EIPR1: variants seen among roughly 807,000 people sequenced by gnomAD.
The protein encoded by EIPR1 is EARP complex and GARP complex interacting protein 1.
EIPR1 carries 25 observed loss-of-function variants against 48.1 expected under a neutral mutation model. That is an observed-to-expected ratio of 0.52 (90% CI 0.38 to 0.73). The LOEUF is 0.73. Among genes scored for constraint, EIPR1 ranks in the 30% least tolerant of loss-of-function variants. EIPR1 has a pLI of 0.00. For synonymous variants in EIPR1, 204 were observed against 201.9 expected, an observed-to-expected ratio of 1.01 and a Z score of -0.09; for missense variants, 415 against 506.2, an observed-to-expected ratio of 0.82 and a Z score of 1.73.
intron 1 of EIPR1, among the ~76,000 whole-genome samples, chr2:3,368,927 CT>C (rs2103390801): frequency 6.6e-6 from 1 of 152,270 alleles, no homozygotes; most frequent in East Asian, 1.9e-4. Flanking sequence ...CAGTACTGCC[CT>C]TTATCTTTCA....
At chr2:3,333,829 G>C (rs980312174) in intron 3 of EIPR1, among the ~76,000 whole-genome samples, 4 of 152,022 alleles carry the variant, frequency 2.6e-5, no homozygotes, top group Admixed American at 2.0e-4. Flanking sequence ...CTTTAGAAGA[G>C]GGCAACTGTC....
chr2:3,339,706 T>TC (rs970617774), intron 2 of EIPR1, among the ~76,000 whole-genome samples: 1 of 152,144 alleles, frequency 6.6e-6, no homozygotes, highest in African/African-American at 2.4e-5. Flanking sequence ...TGTAGCACTT[T>TC]GGGAGGCCGA....
chr2:3,374,181 G>C (rs991352284), intron 1 of EIPR1, among the ~76,000 whole-genome samples: 40 of 151,756 alleles, frequency 2.6e-4, no homozygotes, highest in African/African-American at 9.4e-4. Flanking sequence ...GCCATATGTA[G>C]AAAGCTGAAA....
At chr2:3,369,342 G>C (rs1164422389) in intron 1 of EIPR1, among the ~76,000 whole-genome samples, 1 of 152,218 alleles carries the variant, frequency 6.6e-6, no homozygotes, top group Non-Finnish European at 1.5e-5. Context: ...TTCCATATGA[G>C]GTACCGGGTT....
intron 1 of EIPR1, among the ~76,000 whole-genome samples, chr2:3,369,307 C>G (rs531424059): frequency 1.3e-5 from 2 of 152,202 alleles, no homozygotes; most frequent in Non-Finnish European, 2.9e-5. Context: ...GCGTGAGCAA[C>G]GCAGAAGACG....
chr2:3,328,809 A>C (rs1669785397), intron 3 of EIPR1, among the ~76,000 whole-genome samples: 1 of 132,638 alleles, frequency 7.5e-6, no homozygotes. Flanking sequence ...CCTGAATCAG[A>C]GCCCACCCAC....
In EIPR1 at chr2:3,269,444, ACACT is replaced by A. The variant is rs1310076821; in HGVS notation, c.260-11993_260-11990del. On this transcript the variant is annotated intron_variant, in intron 3 of 8. Coordinates refer to ENST00000382125, the MANE Select transcript of EIPR1 (RefSeq NM_003310.5). ...TCAATCATCACACTCAATCATCACC[ACACT>A]CAATCATCACCACACTCAGTCATCG... Among the ~76,000 whole-genome samples the A allele has an allele frequency of 9.8e-5, 13 of 132,010 alleles. 1 individual carries two copies. Among genetic ancestry groups the A allele is most frequent in the Admixed American group, 7.6e-5 (1 of 13,152 alleles). 86.6% of individuals were successfully genotyped at this position (132,010 alleles called of 152,430 possible). A position where few individuals can be genotyped will look rare whatever the true frequency, so the allele number is the denominator to read the frequency against.
rs189920184 is a variant in EIPR1 at position 3,251,005 on chromosome 2, G to A, written c.416+6294C>T. ...TTATAGCAATGCAAACAGACTAACA[G>A]AGGCAGCTAACACACATAAAATAAA... On this transcript the variant is annotated intron_variant, in intron 4 of 8. Coordinates refer to ENST00000382125, the MANE Select transcript of EIPR1 (RefSeq NM_003310.5). Among the ~76,000 whole-genome samples, 9 of 152,068 alleles carry A rather than the reference G, an allele frequency of 5.9e-5. No individual in the cohort carries two copies. In the East Asian group the frequency reaches 1.5e-3, roughly 26 times the overall value.
At chr2:3,367,221 G>T (rs1056289308) in intron 1 of EIPR1, among the ~76,000 whole-genome samples, 3 of 152,074 alleles carry the variant, frequency 2.0e-5, no homozygotes, top group Non-Finnish European at 4.4e-5. Context: ...ATCCACGAGG[G>T]CTGGGATTTT....
chr2:3,333,568 C>A (rs1572455436), intron 3 of EIPR1, among the ~76,000 whole-genome samples: 1 of 151,978 alleles, frequency 6.6e-6, no homozygotes, highest in Non-Finnish European at 1.5e-5. Flanking sequence ...GAGACCTCAT[C>A]TCTACTAGAA....
At chr2:3,337,114 G>A (rs373492777) in intron 3 of EIPR1, among the ~76,000 whole-genome samples, 250 of 148,022 alleles carry the variant, frequency 1.7e-3, no homozygotes, top group African/African-American at 5.8e-3. Flanking sequence ...AAAGAGATGG[G>A]AAAAGGGAAA....
chr2:3,320,155 GC>G, intron 3 of EIPR1: 1 of 192,640 alleles, frequency 5.2e-6, no homozygotes, highest in Non-Finnish European at 1.1e-5. Flanking sequence ...CACCACCCCT[GC>G]AGGCAACACC....
chr2:3,251,258 G>A (rs1363820106), intron 4 of EIPR1, among the ~76,000 whole-genome samples: 1 of 152,212 alleles, frequency 6.6e-6, no homozygotes, highest in Non-Finnish European at 1.5e-5. Context: ...CCTGAGGCAG[G>A]CTGCCTTGGC....
chr2:3,348,373 C>A (rs1670467558), intron 2 of EIPR1, among the ~76,000 whole-genome samples: 1 of 152,182 alleles, frequency 6.6e-6, no homozygotes, highest in Non-Finnish European at 1.5e-5. Context: ...CTCTTATCTA[C>A]ATGAGAAAGA....
At chr2:3,218,448 C>T (rs1279182567) in intron 4 of EIPR1, among the ~76,000 whole-genome samples, 532 of 63,662 alleles carry the variant, frequency 8.4e-3, no homozygotes, top group Middle Eastern at 0.017. Context: ...AACACGGCCC[C>T]GATACGCTCT....
At chr2:3,274,368 G>C in intron 3 of EIPR1, 2 of 1,550,500 alleles carry the variant, frequency 1.3e-6, no homozygotes, top group African/African-American at 2.7e-5. Flanking sequence ...CAGTTGGGCA[G>C]CTGACTTCCC....
chr2:3,322,198 G>T (rs1332544748), intron 3 of EIPR1, among the ~76,000 whole-genome samples: 1 of 152,178 alleles, frequency 6.6e-6, no homozygotes, highest in East Asian at 1.9e-4. Context: ...GACGGTCACG[G>T]TGAGGTGATG....
rs1239599078 is a variant in EIPR1 at position 3,269,197 on chromosome 2, AATC to A, written c.260-11745_260-11743del. Among the ~76,000 whole-genome samples the A allele has an allele frequency of 4.6e-5, 7 of 151,948 alleles. No individual in the cohort carries two copies. The South Asian group carries it at 1.2e-3, about 27-fold the overall frequency. On this transcript the variant is annotated intron_variant, in intron 3 of 8. Transcript: ENST00000382125. ...ACAGACAGAAGCAGCAGCCACACTC[AATC>A]ATCACACTCAATCATCGCACTCAAT...
Position 3,341,575 on chromosome 2 carries a change from G to C in EIPR1, c.127-3426C>G, listed in dbSNP as rs545567809. On this transcript the variant is annotated intron_variant, in intron 2 of 8. Transcript: ENST00000382125. ...TGGAGGGGGTGTGAGTGTGAGGCAG[G>C]TGCAGGTGTGTATGTAAGGGTGTGT... is the stretch of plus-strand genomic sequence containing the variant. Among the ~76,000 whole-genome samples, 136 of 151,964 alleles carry C rather than the reference G, an allele frequency of 8.9e-4. No individual in the cohort carries two copies. The South Asian group carries it at 9.1e-3, about 10-fold the overall frequency.
Sources: gnomAD v4.1 joint callset for allele counts (sites outside exome capture counted in the v4.1 genomes callset) on GRCh38, gnomAD v4.1.1 for gene constraint, MANE v1.5 for transcripts, NCBI Gene and HGNC (gene_info 2026-07-23, HGNC 2026-07-21) for gene names.